RNF17: variants seen among roughly 807,000 people sequenced by gnomAD.
RNF17 encodes ring finger protein 17.
RNF17 carries 31 observed loss-of-function variants against 200.5 expected under a neutral mutation model. The ratio of observed to expected loss-of-function variants is 0.15; its 90% confidence interval spans 0.12 to 0.21. The LOEUF is 0.21. Ranked by LOEUF, RNF17 falls within the 10% of genes least tolerant of loss-of-function variation. The pLI, the probability that RNF17 is intolerant of heterozygous loss-of-function variation, is 1.00. For missense variants in RNF17, 1,628 were observed against 1,905.1 expected (o/e 0.85, Z 2.71); for synonymous variants, 606 against 637.8 (o/e 0.95, Z 0.75).
intron 6 of RNF17, among the ~76,000 whole-genome samples, chr13:24,786,724 T>C (rs1288648224): frequency 6.6e-6 from 1 of 152,206 alleles, no homozygotes; most frequent in African/African-American, 2.4e-5. Context: ...AGGTTTCTGC[T>C]GAGAAATTTG....
chr13:24,848,650 G>A (rs1340136966), intron 22 of RNF17, among the ~76,000 whole-genome samples: 1 of 152,092 alleles, frequency 6.6e-6, no homozygotes, highest in African/African-American at 2.4e-5. Flanking sequence ...GTGACACAGT[G>A]AGACTCTGTC....
chr13:24,797,890 A>G (rs1490467874), intron 11 of RNF17, among the ~76,000 whole-genome samples: 1 of 152,182 alleles, frequency 6.6e-6, no homozygotes, highest in Non-Finnish European at 1.5e-5. Flanking sequence ...TAAAATTCAT[A>G]AAGTATTTGA....
chr13:24,770,056 T>C (rs1333416078), intron 2 of RNF17, among the ~76,000 whole-genome samples: 1 of 152,086 alleles, frequency 6.6e-6, no homozygotes, highest in African/African-American at 2.4e-5. Context: ...CTAAAATACA[T>C]TGGGCCATGA....
intron 11 of RNF17, among the ~76,000 whole-genome samples, chr13:24,798,676 G>A (rs897658541): frequency 2.6e-5 from 4 of 152,112 alleles, no homozygotes; most frequent in Admixed American, 1.3e-4. Context: ...CAGTACCTTC[G>A]TAGGGTTGTT....
At chr13:24,878,505 C>T (rs947540837) in intron 34 of RNF17, among the ~76,000 whole-genome samples, 7 of 152,136 alleles carry the variant, frequency 4.6e-5, no homozygotes, top group Non-Finnish European at 1.0e-4. Flanking sequence ...TAGCGTGGCT[C>T]AGTCTGGAGG....
intron 16 of RNF17, among the ~76,000 whole-genome samples, chr13:24,827,044 G>A (rs549840421): frequency 4.6e-5 from 7 of 151,330 alleles, no homozygotes; most frequent in Non-Finnish European, 7.4e-5. Context: ...TGGGCAACAA[G>A]AGCAAAACTC....
At chr13:24,781,364 G>C (rs1882346937) in intron 5 of RNF17, among the ~76,000 whole-genome samples, 1 of 152,006 alleles carries the variant, frequency 6.6e-6, no homozygotes, top group Admixed American at 6.6e-5. Context: ...AGGTGTGGTG[G>C]CTCACACCTG....
chr13:24,882,143 TCTATATAGATAGATACATCTATATAG>T (rs1953874521), downstream of RNF17: 1 of 3,390 alleles, frequency 2.9e-4, no homozygotes, highest in African/African-American at 4.2e-4. Flanking sequence ...GATAGATACA[TCTATATAGATAGATACATCTATATAG>T]ATAGATACAT....
chr13:24,877,025 C>G lies in RNF17; in HGVS notation c.4612C>G (p.Arg1538Gly). The stretch of plus-strand genomic sequence containing the variant: ...GTGCCAAATTCCTTCTCATCTTATG[C>G]GGTATCCAGCTCGAGCCATAAAGGT... ...RLCQIPSHLM[R>G]YPARAIKVLL... The change falls in exon 34 of 36, where the codon CGG (arginine) becomes GGG (glycine). Residue 1538 changes from arginine to glycine, a missense_variant. This residue lies in a region of RNF17 where 609 missense variants were observed against 681.9 expected (regional missense o/e 0.89). Transcript: ENST00000255324. 6.2e-7 allele frequency: 1 copy of G among 1,605,810 alleles called. No individual in the cohort carries two copies. The highest frequency in any genetic ancestry group is 8.5e-7 in the Non-Finnish European group (1 of 1,177,754).
Position 24,796,282 on chromosome 13 carries a change from C to G in RNF17, c.1386C>G (p.Asp462Glu). ...GGAGTTCACACCTTGATCCTTCAGA[C>G]ATTTTGGAACTAGGTAATGAAATAT... ...CNRSSHLDPS[D>E]ILELGARIFV... The change falls in exon 11 of 36, where the codon GAC (aspartate) becomes GAG (glutamate). Residue 462 changes from aspartate to glutamate, a missense_variant. By Grantham distance (45) the Asp-to-Glu change is conservative (BLOSUM62 2). Around this residue, in one of 5 missense-constraint regions of RNF17, gnomAD observed 289 missense variants for 384.9 expected, o/e 0.75. Transcript: ENST00000255324. 1 of 1,594,362 alleles carries G rather than the reference C, an allele frequency of 6.3e-7. No individual in the cohort carries two copies. Among genetic ancestry groups the G allele is most frequent in the South Asian group, 1.2e-5 (1 of 86,170 alleles).
At chr13:24,881,723 CTATCTAGAT>C (rs768326175), downstream of RNF17, among the ~76,000 whole-genome samples, 3 of 147,066 alleles carry the variant, frequency 2.0e-5, no homozygotes, top group Non-Finnish European at 4.5e-5. Flanking sequence ...ACAGATATAT[CTATCTAGAT>C]TATCTAGATC....
rs79972894 is a variant in RNF17, at chr13:24,844,448, A to G, written c.2832-204A>G. 2.8e-3 allele frequency among the ~76,000 whole-genome samples: 420 copies of G among 152,282 alleles called. 7 individuals carry two copies. In the East Asian group the frequency reaches 0.055, roughly 20 times the overall value. Reference sequence around the variant, plus strand: ...AGAAGGAAGGAGGGAGGTAAGCCATATAAGTGTCTGAGGGAAGTTTATCTC... The same window carrying G: ...AGAAGGAAGGAGGGAGGTAAGCCATGTAAGTGTCTGAGGGAAGTTTATCTC... On this transcript the variant is annotated intron_variant, in intron 20 of 35. Transcript: ENST00000255324.
chr13:24,791,935 G>T (rs1883910747), intron 9 of RNF17, among the ~76,000 whole-genome samples: 2 of 152,154 alleles, frequency 1.3e-5, no homozygotes, highest in Admixed American at 1.3e-4. Flanking sequence ...TAGGTTAACA[G>T]AATTAGGCTA....
At chr13:24,821,922 C>T (rs1370463434) in intron 15 of RNF17, among the ~76,000 whole-genome samples, 2 of 152,130 alleles carry the variant, frequency 1.3e-5, no homozygotes, top group African/African-American at 4.8e-5. Flanking sequence ...CACGGACACA[C>T]ATGAGGAGTT....
At chr13:24,778,064 C>G (rs1357682879) in intron 3 of RNF17, among the ~76,000 whole-genome samples, 2 of 152,062 alleles carry the variant, frequency 1.3e-5, no homozygotes, top group Middle Eastern at 3.2e-3. Context: ...GATTTTGAGA[C>G]CAGCCTGGAC....
At chr13:24,847,619 T>A (rs1891408685) in intron 22 of RNF17, among the ~76,000 whole-genome samples, 1 of 152,194 alleles carries the variant, frequency 6.6e-6, no homozygotes, top group South Asian at 2.1e-4. Flanking sequence ...GTGCTGGGAT[T>A]ATGGCGTGAG....
chr13:24,843,385 G>A (rs988608335), intron 19 of RNF17, among the ~76,000 whole-genome samples: 1 of 152,008 alleles, frequency 6.6e-6, no homozygotes, highest in African/African-American at 2.4e-5. Flanking sequence ...GGGCATGGTG[G>A]CAGGTGCCTA....
rs759699666 is a variant in RNF17 at position 24,843,708 on chromosome 13, A to C, written c.2604-36A>C. Reference sequence around the variant, plus strand: ...GAGCAAATGCAAACAAATATTTTGCATACAGTTCTTTTCATTAACTTTTGT... The same window carrying C: ...GAGCAAATGCAAACAAATATTTTGCCTACAGTTCTTTTCATTAACTTTTGT... On this transcript the variant is annotated intron_variant, in intron 19 of 35. Coordinates refer to ENST00000255324, the MANE Select transcript of RNF17 (RefSeq NM_031277.3). 8.9e-6 allele frequency: 11 copies of C among 1,235,578 alleles called. 1 individual carries two copies. The highest frequency in any genetic ancestry group is 1.9e-4 in the Middle Eastern group (1 of 5,338). The allele number at this position is 1,235,578 out of a possible 1,614,324, so 76.5% of individuals were successfully genotyped here.
chr13:24,760,854 T>A (rs575217129), upstream of RNF17, among the ~76,000 whole-genome samples: 66 of 152,212 alleles, frequency 4.3e-4, no homozygotes, highest in Non-Finnish European at 8.1e-4. Flanking sequence ...AAATGGCTAA[T>A]AGGTATATGA....
Sources: gnomAD v4.1 joint callset for allele counts (sites outside exome capture counted in the v4.1 genomes callset) on GRCh38, gnomAD v4.1.1 for gene constraint, gnomAD v4.1.1 regional missense constraint, MANE v1.5 for transcripts, NCBI Gene and HGNC (gene_info 2026-07-23, HGNC 2026-07-21) for gene names.